Variants in PRMT8 observed in about 807,000 individuals in gnomAD.
PRMT8 encodes protein arginine N-methyltransferase 8.
Under a neutral mutation model 47.1 loss-of-function variants are expected in PRMT8, and 7 were observed. The ratio of observed to expected loss-of-function variants is 0.15; its 90% CI spans 0.08 to 0.28. The LOEUF (loss-of-function observed/expected upper bound fraction) is 0.28. PRMT8 is among the 10% of genes least tolerant of loss of function. The probability of loss-of-function intolerance (pLI) is 1.00; values close to 1 mark genes in which losing one functional copy is unlikely to be tolerated. For synonymous variants in PRMT8, 188 were observed against 186.5 expected, an observed-to-expected ratio of 1.01 and a Z score of -0.07; for missense variants, 237 against 505.4, an observed-to-expected ratio of 0.47 and a Z score of 5.09.
At chr12:3,588,502 T>G (rs954924280) in intron 8 of PRMT8, among the ~76,000 whole-genome samples, 2 of 152,154 alleles carry the variant, frequency 1.3e-5, no homozygotes, top group African/African-American at 4.8e-5. Flanking sequence ...GTGCCCACCC[T>G]ACTTCTCACT....
intron 1 of PRMT8, among the ~76,000 whole-genome samples, chr12:3,527,416 G>T (rs950942431): frequency 6.6e-6 from 1 of 152,110 alleles, no homozygotes; most frequent in Non-Finnish European, 1.5e-5. Context: ...GATGATGCAA[G>T]ATTTCATCTT....
At chr12:3,542,144 G>GC (rs771178225) in intron 2 of PRMT8, among the ~76,000 whole-genome samples, 2 of 152,182 alleles carry the variant, frequency 1.3e-5, no homozygotes, top group Non-Finnish European at 2.9e-5. Flanking sequence ...GTGGAAGGAG[G>GC]CCCCCCAGTT....
At chr12:3,382,834 G>T (rs1864105648) in intron 1 of PRMT8, among the ~76,000 whole-genome samples, 1 of 152,118 alleles carries the variant, frequency 6.6e-6, no homozygotes, top group Admixed American at 6.6e-5. Flanking sequence ...TTTTCTAAAA[G>T]TGTTATAGTT....
At position 3,494,730 on chromosome 12, in the gene PRMT8, AG is replaced by A. The variant is rs149729883; in HGVS notation, c.75+3031del. 2.2e-4 allele frequency among the ~76,000 whole-genome samples: 33 copies of A among 152,272 alleles called. No homozygotes were observed. In the East Asian group the frequency reaches 4.4e-3, roughly 21 times the overall value. On this transcript the variant is annotated intron_variant, in intron 1 of 9. Transcript: ENST00000382622. ...TTTTGACCAAAGCCTCCCTCCACAA[AG>A]CGAAGTACCCAGCTAGGGTACGAGA...
rs1183008238 is a variant in PRMT8, at chr12:3,456,666, G to C, written c.48+75224G>C. ...GACAGTGGGGAAGCTGACCTTAAGCGGGAGGGTGCAGGGGTGAGCTAGTTT... is the reference window on the plus strand; with the variant it reads ...GACAGTGGGGAAGCTGACCTTAAGCCGGAGGGTGCAGGGGTGAGCTAGTTT... On this transcript the variant is annotated intron_variant, in intron 1 of 9. Coordinates refer to the PRMT8 transcript ENST00000452611. This position sits in a 1 kb window ranked among gnomAD's most constrained non-coding sequence, Gnocchi z 4.2. 2.0e-5 allele frequency among the ~76,000 whole-genome samples: 3 copies of C among 152,206 alleles called. No homozygotes were observed. The highest frequency in any genetic ancestry group is 2.0e-4 in the Admixed American group (3 of 15,284).
chr12:3,411,570 G>A (rs1425546648), intron 1 of PRMT8, among the ~76,000 whole-genome samples: 4 of 152,206 alleles, frequency 2.6e-5, no homozygotes, highest in Admixed American at 6.5e-5. Context: ...CGTGTAATAT[G>A]TGCTGTGGTT....
chr12:3,571,783 A>AT (rs1025296515), intron 6 of PRMT8, among the ~76,000 whole-genome samples: 1 of 152,140 alleles, frequency 6.6e-6, no homozygotes, highest in Non-Finnish European at 1.5e-5. Context: ...AAAATAATCT[A>AT]TTTTTTTGTA....
intron 1 of PRMT8, among the ~76,000 whole-genome samples, chr12:3,468,465 T>C (rs1360676362): frequency 6.6e-6 from 1 of 152,204 alleles, no homozygotes; most frequent in Non-Finnish European, 1.5e-5. Flanking sequence ...CCCATGGGAT[T>C]GTGTATGTGC....
intron 1 of PRMT8, among the ~76,000 whole-genome samples, chr12:3,397,930 C>T (rs529079877): frequency 1.1e-4 from 17 of 152,166 alleles, no homozygotes; most frequent in Non-Finnish European, 2.4e-4. Flanking sequence ...GTTTTTTAAG[C>T]CCGTCGGAAA....
chr12:3,407,419 A>G (rs1157341986), intron 1 of PRMT8, among the ~76,000 whole-genome samples: 1 of 152,004 alleles, frequency 6.6e-6, no homozygotes, highest in Non-Finnish European at 1.5e-5. Context: ...TCTATCCTGC[A>G]TATCTCATCC....
chr12:3,506,658 C>A (rs967629319), intron 1 of PRMT8, among the ~76,000 whole-genome samples: 2 of 152,128 alleles, frequency 1.3e-5, no homozygotes. Flanking sequence ...GAAAATGAAG[C>A]CTCATGGAGT....
At chr12:3,523,957 C>A (rs2137144945) in intron 1 of PRMT8, among the ~76,000 whole-genome samples, 1 of 152,350 alleles carries the variant, frequency 6.6e-6, no homozygotes, top group South Asian at 2.1e-4. Flanking sequence ...ATGAGTCAAA[C>A]AAAGGCGACT....
intron 3 of PRMT8, chr12:3,553,276 C>T (rs530654303): frequency 2.1e-5 from 6 of 285,652 alleles, no homozygotes; most frequent in Admixed American, 9.5e-5. Context: ...GAGGGAGGCT[C>T]GCAACTCTGG....
At chr12:3,465,409 A>G (rs1460945848) in intron 1 of PRMT8, among the ~76,000 whole-genome samples, 1 of 151,696 alleles carries the variant, frequency 6.6e-6, no homozygotes, top group African/African-American at 2.4e-5. Flanking sequence ...CAAGTGTGCA[A>G]ACTGTCCACT....
intron 1 of PRMT8, among the ~76,000 whole-genome samples, chr12:3,482,238 A>T (rs1382173129): frequency 2.0e-5 from 3 of 152,222 alleles, no homozygotes; most frequent in Admixed American, 6.5e-5. Context: ...GATTGGTTTT[A>T]AAAAAGAAGG....
chr12:3,491,148 C>T, upstream of PRMT8: 1 of 986,412 alleles, frequency 1.0e-6, no homozygotes, highest in Non-Finnish European at 1.2e-6. Context: ...GAACCTCCTA[C>T]CCCGCCCCCA....
chr12:3,490,432 G>T (rs564072242), upstream of PRMT8, among the ~76,000 whole-genome samples: 4 of 151,720 alleles, frequency 2.6e-5, no homozygotes, highest in Non-Finnish European at 5.9e-5. Flanking sequence ...TGACGGGTAC[G>T]TGACATCCTC....
intron 1 of PRMT8, among the ~76,000 whole-genome samples, chr12:3,394,784 T>A (rs1346858819): frequency 5.3e-5 from 8 of 151,926 alleles, no homozygotes; most frequent in Non-Finnish European, 2.9e-5. Flanking sequence ...TCAGAAGGAA[T>A]GGTACCAGTT....
intron 1 of PRMT8, among the ~76,000 whole-genome samples, chr12:3,408,861 G>C (rs1175682480): frequency 1.3e-5 from 2 of 152,224 alleles, no homozygotes; most frequent in Non-Finnish European, 2.9e-5. Context: ...GATTGTGAGT[G>C]CCTCAGTAGT....
Sources: gnomAD v4.1 joint callset for allele counts (sites outside exome capture counted in the v4.1 genomes callset) on GRCh38, gnomAD v4.1.1 for gene constraint, Gnocchi (gnomAD v3.1) non-coding constraint, MANE v1.5 for transcripts, NCBI Gene and HGNC (gene_info 2026-07-23, HGNC 2026-07-21) for gene names.